The following ARID1B variants were observed in gnomAD, a reference collection of about 807,000 sequenced individuals.
The protein encoded by ARID1B is AT-rich interaction domain 1B, also known as AT-rich interactive domain-containing protein 1B.
ARID1B carries 30 observed loss-of-function variants against 212.3 expected under a neutral mutation model. The ratio of observed to expected loss-of-function variants is 0.14; its 90% CI spans 0.11 to 0.19. The LOEUF (loss-of-function observed/expected upper bound fraction) is 0.19. Among genes scored for constraint, ARID1B ranks in the 10% least tolerant of loss-of-function variants. The probability of loss-of-function intolerance (pLI) is 1.00; values close to 1 mark genes in which losing one functional copy is unlikely to be tolerated. For synonymous variants in ARID1B, 1,402 were observed against 1,301.7 expected (o/e 1.08, Z -1.66); for missense variants, 2,891 against 3,204.0 (o/e 0.90, Z 2.36).
chr6:157,009,354 CTT>C lies in ARID1B; in HGVS notation c.2247+73779_2247+73780del, dbSNP rs1316486016. ...CACAAGGCTGTTAGTATGAGGAACT[CTT>C]CTCTCAATGACCTGGAAGAGATGAC... is the stretch of plus-strand genomic sequence containing the variant. On this transcript the variant is annotated intron_variant, in intron 4 of 19. Coordinates refer to ENST00000636930, the MANE Select transcript of ARID1B (RefSeq NM_001374828.1). Among the ~76,000 whole-genome samples the C allele has an allele frequency of 2.0e-4, 30 of 152,292 alleles. No homozygotes were observed. In the East Asian group the frequency reaches 5.4e-3, roughly 27 times the overall value.
intron 1 of ARID1B, among the ~76,000 whole-genome samples, chr6:156,810,315 A>T (rs1306507489): frequency 6.6e-6 from 1 of 152,134 alleles, no homozygotes; most frequent in Non-Finnish European, 1.5e-5. Flanking sequence ...GGTTCTGGTT[A>T]TAAAAGTGTA....
At chr6:157,133,563 G>A (rs1788699775) in intron 7 of ARID1B, among the ~76,000 whole-genome samples, 1 of 152,192 alleles carries the variant, frequency 6.6e-6, no homozygotes, top group Non-Finnish European at 1.5e-5. Context: ...GGCTTTGTTG[G>A]GTTGGATTCT....
intron 4 of ARID1B, chr6:156,939,974 T>C (rs991585660): frequency 2.6e-5 from 4 of 152,218 alleles, no homozygotes; most frequent in Non-Finnish European, 4.4e-5. Context: ...TATTTTCTTA[T>C]AAAACACTAT....
Position 157,148,481 on chromosome 6 carries a change from C to T in ARID1B, c.2762-143C>T, listed in dbSNP as rs1789960132. 1 of 881,406 alleles carries T rather than the reference C, an allele frequency of 1.1e-6. No homozygotes were observed. Among genetic ancestry groups the T allele is most frequent in the African/African-American group, 1.7e-5 (1 of 59,074 alleles). The allele number at this position is 881,406 out of a possible 1,614,324, so 54.6% of individuals were successfully genotyped here. On this transcript the variant is annotated intron_variant, in intron 7 of 19. Coordinates refer to ENST00000636930, the MANE Select transcript of ARID1B (RefSeq NM_001374828.1). The surrounding 1 kb of genome is among the most constrained non-coding windows in gnomAD (Gnocchi z 5.6). ...GAGAGAGCATGTTTGAGACTGGCAGCTGCACCAGCAGCAACAGGAAGGGCC... is the reference window on the plus strand; with the variant it reads ...GAGAGAGCATGTTTGAGACTGGCAGTTGCACCAGCAGCAACAGGAAGGGCC...
intron 8 of ARID1B, among the ~76,000 whole-genome samples, chr6:157,154,568 G>GGT (rs1554226931): frequency 5.3e-4 from 63 of 118,518 alleles, no homozygotes; most frequent in African/African-American, 1.7e-3. Flanking sequence ...CTGCTCTTCT[G>GGT]TTTTTTTTTT....
intron 2 of ARID1B, among the ~76,000 whole-genome samples, chr6:156,836,828 C>T (rs1319823688): frequency 1.3e-5 from 2 of 152,078 alleles, no homozygotes; most frequent in Admixed American, 1.3e-4. Flanking sequence ...CCACACCCAG[C>T]TAATTTTTAA....
chr6:157,036,627 T>C (rs1781346993), intron 4 of ARID1B: 2 of 341,044 alleles, frequency 5.9e-6, no homozygotes, highest in South Asian at 5.0e-5. Flanking sequence ...TCCCGCCGTC[T>C]TATAGAACTG....
intron 3 of ARID1B, chr6:156,902,050 G>A (rs1788986575): frequency 1.3e-5 from 2 of 155,404 alleles, no homozygotes; most frequent in Admixed American, 6.2e-5. Context: ...AATACTAATT[G>A]GAATCATGTA....
Position 157,209,079 on chromosome 6 carries a change from G to T in ARID1B, c.*1188G>T, listed in dbSNP as rs936622448. 2.2e-5 allele frequency: 5 copies of T among 224,554 alleles called. No individual in the cohort carries two copies. The Admixed American group carries it at 2.9e-4, about 13-fold the overall frequency. The allele number at this position is 224,554 out of a possible 1,614,324, so 13.9% of individuals were successfully genotyped here. ...TAAAAGGAAGAAACACAACTTCAAA[G>T]ATTTTTCAGTGATGAGAATCCACAT... On this transcript the variant is annotated 3_prime_UTR_variant, in exon 20 of 20. Coordinates refer to ENST00000636930, the MANE Select transcript of ARID1B (RefSeq NM_001374828.1).
intron 8 of ARID1B, among the ~76,000 whole-genome samples, chr6:157,156,850 T>C (rs925813040): frequency 5.9e-5 from 9 of 152,134 alleles, no homozygotes; most frequent in African/African-American, 2.2e-4. Context: ...GGACGCTTCC[T>C]CCTTATGCAG....
intron 1 of ARID1B, among the ~76,000 whole-genome samples, chr6:156,804,863 T>C (rs1215351024): frequency 8.0e-6 from 1 of 125,736 alleles, no homozygotes; most frequent in African/African-American, 3.1e-5. Context: ...TGTGATCTGA[T>C]TGGCAAAAAA....
At chr6:157,117,331 A>G (rs1787386126) in intron 6 of ARID1B, among the ~76,000 whole-genome samples, 2 of 152,160 alleles carry the variant, frequency 1.3e-5, no homozygotes, top group African/African-American at 4.8e-5. Context: ...TGCTTCTGTT[A>G]TTAACCCCGA....
chr6:157,042,226 A>G (rs1293726724), intron 4 of ARID1B, among the ~76,000 whole-genome samples: 1 of 152,222 alleles, frequency 6.6e-6, no homozygotes, highest in African/African-American at 2.4e-5. Context: ...CTCTTGTTCA[A>G]TACAGTGTAT....
chr6:157,197,063 G>T (rs1382866636), intron 16 of ARID1B, among the ~76,000 whole-genome samples: 1 of 152,116 alleles, frequency 6.6e-6, no homozygotes, highest in African/African-American at 2.4e-5. Flanking sequence ...CATAGGGTAG[G>T]CTTCTTTTTG....
chr6:156,890,005 A>T (rs1255410160), intron 2 of ARID1B, among the ~76,000 whole-genome samples: 1 of 152,228 alleles, frequency 6.6e-6, no homozygotes, highest in African/African-American at 2.4e-5. Context: ...CCCTAAAGAG[A>T]TAGCCTGGAC....
intron 2 of ARID1B, among the ~76,000 whole-genome samples, chr6:156,843,254 G>A (rs1161381344): frequency 6.6e-6 from 1 of 152,164 alleles, no homozygotes; most frequent in Non-Finnish European, 1.5e-5. Context: ...TGTTTATGAC[G>A]AGTAGTATTA....
intron 3 of ARID1B, among the ~76,000 whole-genome samples, chr6:156,913,248 G>C (rs1307159063): frequency 6.7e-5 from 9 of 134,046 alleles, no homozygotes; most frequent in Admixed American, 3.3e-4. Flanking sequence ...ACAGAGTATC[G>C]CCCTGTCACT....
intron 4 of ARID1B, among the ~76,000 whole-genome samples, chr6:156,968,740 A>C (rs1776709593): frequency 6.6e-6 from 1 of 152,228 alleles, no homozygotes; most frequent in African/African-American, 2.4e-5. Flanking sequence ...TCACCTGAGC[A>C]ATTCATTTGA....
chr6:156,941,948 T>C (rs1792705066), intron 4 of ARID1B: 1 of 152,260 alleles, frequency 6.6e-6, no homozygotes. Flanking sequence ...GAATTCGTCA[T>C]AGCTGAGATA....
Sources: allele counts gnomAD v4.1 joint callset (sites outside exome capture counted in the v4.1 genomes callset), GRCh38; gene constraint gnomAD v4.1.1; non-coding constraint Gnocchi (gnomAD v3.1); transcripts MANE v1.5; gene names NCBI Gene and HGNC (gene_info 2026-07-23, HGNC 2026-07-21).